The following ZMIZ1 variants were observed in gnomAD, a reference collection of about 807,000 sequenced individuals.
ZMIZ1 encodes the protein zinc finger MIZ domain-containing protein 1.
A neutral mutation model predicts 113.9 loss-of-function variants in ZMIZ1; 17 were observed. The ratio of observed to expected loss-of-function variants is 0.15; its 90% CI spans 0.10 to 0.22. The LOEUF (loss-of-function observed/expected upper bound fraction) is 0.22. Among genes scored for constraint, ZMIZ1 ranks in the 10% least tolerant of loss-of-function variants. The pLI is 1.00. For synonymous variants in ZMIZ1, 607 were observed against 603.1 expected, an observed-to-expected ratio of 1.01 and a Z score of -0.09; for missense variants, 1,059 against 1,477.8, an observed-to-expected ratio of 0.72 and a Z score of 4.65.
chr10:79,221,709 G>A (rs1032848835), intron 7 of ZMIZ1, among the ~76,000 whole-genome samples: 1 of 152,254 alleles, frequency 6.6e-6, no homozygotes, highest in Admixed American at 6.5e-5. Context: ...CTCAGCTCCT[G>A]TCCATGCTTG....
chr10:79,171,411 C>T (rs1304815296), intron 4 of ZMIZ1, among the ~76,000 whole-genome samples: 1 of 152,230 alleles, frequency 6.6e-6, no homozygotes, highest in East Asian at 1.9e-4. Flanking sequence ...CCACTGGGTC[C>T]TTAGTTCACA....
At chr10:79,142,075 G>C (rs1263619842) in intron 3 of ZMIZ1, among the ~76,000 whole-genome samples, 1 of 152,196 alleles carries the variant, frequency 6.6e-6, no homozygotes, top group East Asian at 1.9e-4. Context: ...GTCAGGGAAG[G>C]CCCTTGGGTT....
intron 4 of ZMIZ1, among the ~76,000 whole-genome samples, chr10:79,166,752 G>A (rs1355701023): frequency 1.3e-5 from 2 of 152,260 alleles, no homozygotes; most frequent in African/African-American, 2.4e-5. Flanking sequence ...CTCCTGAAGG[G>A]AGAGGAAGCT....
chr10:79,296,410 C>T lies in ZMIZ1; in HGVS notation c.1231-61C>T, dbSNP rs1853892174. ...GGCCCCATCCCGTTGTTCAGGTGACCTGGCTATGTGACGTTGGCAACATTG... is the reference window on the plus strand; with the variant it reads ...GGCCCCATCCCGTTGTTCAGGTGACTTGGCTATGTGACGTTGGCAACATTG... On this transcript the variant is annotated intron_variant, in intron 12 of 24. Coordinates refer to ENST00000334512, the MANE Select transcript of ZMIZ1 (RefSeq NM_020338.4). The surrounding 1 kb of genome is among the most constrained non-coding windows in gnomAD (Gnocchi z 4.1). 1.9e-6 allele frequency: 3 copies of T among 1,583,608 alleles called. No individual in the cohort carries two copies. The Admixed American group carries it at 5.1e-5, about 27-fold the overall frequency.
intron 7 of ZMIZ1, among the ~76,000 whole-genome samples, chr10:79,261,306 C>T (rs996818347): frequency 6.6e-6 from 1 of 152,226 alleles, no homozygotes; most frequent in Non-Finnish European, 1.5e-5. Flanking sequence ...CCCGGTGTTC[C>T]CTTCCCTCTC....
chr10:79,166,204 G>A (rs964414685), intron 4 of ZMIZ1, among the ~76,000 whole-genome samples: 9 of 152,112 alleles, frequency 5.9e-5, no homozygotes, highest in Non-Finnish European at 1.3e-4. Flanking sequence ...CCTCACCTCT[G>A]CTCTCCTTCT....
chr10:79,202,215 GAAAGAAAGAA>G (rs1848125555), intron 5 of ZMIZ1, among the ~76,000 whole-genome samples: 1 of 42,074 alleles, frequency 2.4e-5, no homozygotes, highest in Non-Finnish European at 5.5e-5. Context: ...AAAAAAAAAA[GAAAGAAAGAA>G]AGAAGGAAGG....
chr10:79,282,509 G>C (rs906747038), intron 8 of ZMIZ1, among the ~76,000 whole-genome samples: 1 of 152,216 alleles, frequency 6.6e-6, no homozygotes, highest in African/African-American at 2.4e-5. Context: ...CCTGGTGACT[G>C]TCATATTTGG....
At chr10:79,194,596 C>T (rs762073655) in intron 4 of ZMIZ1, among the ~76,000 whole-genome samples, 27 of 152,206 alleles carry the variant, frequency 1.8e-4, no homozygotes, top group Non-Finnish European at 3.2e-4. Flanking sequence ...TCCTTGCTGA[C>T]TTGGCAGCCC....
rs1855395563 is a variant in ZMIZ1 at position 79,314,256 on chromosome 10, T to C, written c.*1507T>C. Reference sequence around the variant, plus strand: ...GCCCCGTGAGCCACATGGCCTAGGGTGATGCCAGGTTGTCCCGTCACTGGG... The same window carrying C: ...GCCCCGTGAGCCACATGGCCTAGGGCGATGCCAGGTTGTCCCGTCACTGGG... On this transcript the variant is annotated 3_prime_UTR_variant, in exon 25 of 25. Coordinates refer to ENST00000334512, the MANE Select transcript of ZMIZ1 (RefSeq NM_020338.4). The C allele has an allele frequency of 2.2e-6, 1 of 456,770 alleles. No homozygotes were observed. The allele number at this position is 456,770 out of a possible 1,614,324, so 28.3% of individuals were successfully genotyped here.
At chr10:79,220,751 G>A (rs1336540449) in intron 7 of ZMIZ1, among the ~76,000 whole-genome samples, 8 of 152,142 alleles carry the variant, frequency 5.3e-5, no homozygotes, top group Non-Finnish European at 1.2e-4. Flanking sequence ...CCCACTGTAC[G>A]TCTGTGTGTA....
At chr10:79,247,597 C>T (rs1850286403) in intron 7 of ZMIZ1, among the ~76,000 whole-genome samples, 1 of 152,224 alleles carries the variant, frequency 6.6e-6, no homozygotes, top group Admixed American at 6.5e-5. Context: ...CCGCAGAGAC[C>T]CTGCTGGGTT....
At chr10:79,291,347 G>A (rs930728286) in intron 10 of ZMIZ1, among the ~76,000 whole-genome samples, 171 bp downstream of exon 10, 5 of 152,266 alleles carry the variant, frequency 3.3e-5, no homozygotes, top group African/African-American at 1.2e-4. Flanking sequence ...GGGCTGGCCT[G>A]CAGATAAGGC....
intron 8 of ZMIZ1, among the ~76,000 whole-genome samples, chr10:79,283,942 C>A (rs1231556522): frequency 3.3e-5 from 5 of 152,220 alleles, no homozygotes; most frequent in Non-Finnish European, 5.9e-5. Flanking sequence ...TACAGCCTTG[C>A]ACGGAGACGG....
At chr10:79,222,605 G>A (rs916612104) in intron 7 of ZMIZ1, among the ~76,000 whole-genome samples, 1 of 152,186 alleles carries the variant, frequency 6.6e-6, no homozygotes. Context: ...ATCACAAGAG[G>A]GGGGCTGAGA....
intron 11 of ZMIZ1, chr10:79,292,947 A>T (rs1003242781): frequency 4.3e-6 from 2 of 460,404 alleles, no homozygotes; most frequent in African/African-American, 2.0e-5. Flanking sequence ...GTGTGCCTCC[A>T]CTGGCCCAGG....
chr10:79,103,479 G>A (rs750458545), intron 1 of ZMIZ1, among the ~76,000 whole-genome samples: 3 of 152,090 alleles, frequency 2.0e-5, no homozygotes, highest in Admixed American at 6.5e-5. Flanking sequence ...TTGAGGGGGA[G>A]CGTCAGAAAC....
chr10:79,264,791 G>A (rs1161827371), intron 7 of ZMIZ1, among the ~76,000 whole-genome samples: 2 of 152,212 alleles, frequency 1.3e-5, no homozygotes, highest in Non-Finnish European at 2.9e-5. Flanking sequence ...AAAGTGCATG[G>A]TAGGACTAAG....
chr10:79,186,281 G>A (rs995220989), intron 4 of ZMIZ1, among the ~76,000 whole-genome samples: 2 of 152,158 alleles, frequency 1.3e-5, no homozygotes, highest in Non-Finnish European at 2.9e-5. Context: ...TTTTTACCTC[G>A]AAGTGACTCT....
Sources: allele counts gnomAD v4.1 joint callset (sites outside exome capture counted in the v4.1 genomes callset), GRCh38; gene constraint gnomAD v4.1.1; non-coding constraint Gnocchi (gnomAD v3.1); transcripts MANE v1.5; gene names NCBI Gene and HGNC (gene_info 2026-07-23, HGNC 2026-07-21).